The following HS3ST4 variants were observed in gnomAD, a reference collection of about 807,000 sequenced individuals.
HS3ST4 encodes the protein heparan sulfate glucosamine 3-O-sulfotransferase 4.
HS3ST4 carries 17 observed loss-of-function variants against 29.2 expected under a neutral mutation model. That is an observed-to-expected ratio of 0.58 (90% CI 0.40 to 0.87). The LOEUF is 0.87. Among genes scored for constraint, HS3ST4 ranks in the 40% least tolerant of loss-of-function variants. The pLI, the probability that HS3ST4 is intolerant of heterozygous loss-of-function variation, is 0.00. For missense variants in HS3ST4, 627 were observed against 634.5 expected (o/e 0.99, Z 0.13); for synonymous variants, 314 against 285.7 (o/e 1.10, Z -1.00).
chr16:25,874,227 G>GAA, intron 1 of HS3ST4, among the ~76,000 whole-genome samples: 1 of 147,042 alleles, frequency 6.8e-6, no homozygotes. Flanking sequence ...GAAAACTACA[G>GAA]AAAAAAAAAA....
intron 1 of HS3ST4, among the ~76,000 whole-genome samples, chr16:25,719,275 A>T (rs1354970449): frequency 6.6e-6 from 1 of 152,280 alleles, no homozygotes; most frequent in Non-Finnish European, 1.5e-5. Context: ...TACTTAAGGC[A>T]TCCATTCTTT....
At chr16:25,966,861 G>A (rs1385062095) in intron 1 of HS3ST4, among the ~76,000 whole-genome samples, 1 of 152,212 alleles carries the variant, frequency 6.6e-6, no homozygotes, top group African/African-American at 2.4e-5. Flanking sequence ...CTGAGATGAA[G>A]TGGCTGGGCA....
intron 1 of HS3ST4, among the ~76,000 whole-genome samples, chr16:25,757,204 A>G (rs1966763422): frequency 6.6e-6 from 1 of 152,178 alleles, no homozygotes; most frequent in Non-Finnish European, 1.5e-5. Flanking sequence ...TGTACTTGGC[A>G]ACCTTATTAG....
chr16:26,064,746 T>A (rs1412921685), intron 1 of HS3ST4, among the ~76,000 whole-genome samples: 1 of 151,338 alleles, frequency 6.6e-6, no homozygotes, highest in Non-Finnish European at 1.5e-5. Context: ...GCCTCCCCAG[T>A]AGCTGGGATC....
rs146703935 is a variant in HS3ST4, at chr16:25,742,282, T to C, written c.734+49131T>C. Among the ~76,000 whole-genome samples the C allele has an allele frequency of 2.3e-3, 352 of 152,308 alleles. 3 individuals are homozygous for C. Among genetic ancestry groups the C allele is most frequent in the African/African-American group, 6.5e-3 (269 of 41,566 alleles). On this transcript the variant is annotated intron_variant, in intron 1 of 1. Coordinates refer to ENST00000331351, the MANE Select transcript of HS3ST4 (RefSeq NM_006040.3). ...CCAGAAATGGTACGCAGAAGCTCCA[T>C]GCATTCATCTTACTAGCTTAGGTAC...
chr16:26,024,858 G>C (rs1474344190), intron 1 of HS3ST4, among the ~76,000 whole-genome samples: 1 of 152,188 alleles, frequency 6.6e-6, no homozygotes, highest in Non-Finnish European at 1.5e-5. Flanking sequence ...TGTGGGTCAA[G>C]TCCAGCACCC....
chr16:25,899,482 T>C (rs1190503732), intron 1 of HS3ST4, among the ~76,000 whole-genome samples: 2 of 150,236 alleles, frequency 1.3e-5, no homozygotes, highest in Non-Finnish European at 3.0e-5. Context: ...AGGACAGGTA[T>C]GCTGATTGAA....
At chr16:26,104,485 G>C (rs1899027080) in intron 1 of HS3ST4, among the ~76,000 whole-genome samples, 1 of 152,144 alleles carries the variant, frequency 6.6e-6, no homozygotes, top group South Asian at 2.1e-4. Context: ...TAAAAGTTAA[G>C]CAGATGCCTC....
intron 1 of HS3ST4, chr16:26,063,230 T>A (rs1370689824): frequency 6.6e-6 from 1 of 152,648 alleles, no homozygotes; most frequent in Non-Finnish European, 1.5e-5. Context: ...AAAGTCTGAC[T>A]TTCTCTTGTA....
At chr16:25,865,039 C>T (rs1296173002) in intron 1 of HS3ST4, among the ~76,000 whole-genome samples, 1 of 151,950 alleles carries the variant, frequency 6.6e-6, no homozygotes, top group East Asian at 1.9e-4. Context: ...TTCCTTTGCC[C>T]ATTCTTCCAT....
chr16:25,921,002 C>T (rs932148608), intron 1 of HS3ST4, among the ~76,000 whole-genome samples: 4 of 152,130 alleles, frequency 2.6e-5, no homozygotes, highest in African/African-American at 7.2e-5. Context: ...CCACTCCTCT[C>T]GACACTCTAT....
chr16:26,059,930 A>C (rs1455785369), intron 1 of HS3ST4, among the ~76,000 whole-genome samples: 1 of 152,000 alleles, frequency 6.6e-6, no homozygotes, highest in East Asian at 1.9e-4. Context: ...GGTGCCTGCC[A>C]CCACGCCCAG....
intron 1 of HS3ST4, among the ~76,000 whole-genome samples, chr16:26,084,329 C>T (rs968850734): frequency 3.9e-5 from 6 of 152,176 alleles, no homozygotes; most frequent in Non-Finnish European, 7.3e-5. Flanking sequence ...TCTATGGAGA[C>T]TTTAGGGGAT....
intron 1 of HS3ST4, among the ~76,000 whole-genome samples, chr16:26,024,228 G>GAA (rs58068324): frequency 0.078 from 9,846 of 127,004 alleles, 477 homozygotes; most frequent in Non-Finnish European, 0.12. Flanking sequence ...GTCTCAAAAG[G>GAA]AAAAAAAAAA....
chr16:25,819,354 A>G (rs1967124619), intron 1 of HS3ST4, among the ~76,000 whole-genome samples: 1 of 152,168 alleles, frequency 6.6e-6, no homozygotes. Context: ...AAGGGTCATG[A>G]TCCCACCACA....
At position 25,824,222 on chromosome 16, in the gene HS3ST4, G is replaced by GATA. The variant is rs765105897; in HGVS notation, c.734+131071_734+131072insATA. Among the ~76,000 whole-genome samples the GATA allele has an allele frequency of 2.5e-3, 381 of 152,282 alleles. 1 individual carries two copies. The highest frequency in any genetic ancestry group is 6.8e-3 in the Middle Eastern group (2 of 294). On this transcript the variant is annotated intron_variant, in intron 1 of 1. Transcript: ENST00000331351. ...TCAGACAGACTCAGGATACCTCCAG[G>GATA]GAGAACCAAGACCTGGCCTGAATAC...
intron 1 of HS3ST4, among the ~76,000 whole-genome samples, chr16:25,775,817 A>C (rs1351345613): frequency 6.6e-6 from 1 of 152,146 alleles, no homozygotes; most frequent in East Asian, 1.9e-4. Flanking sequence ...GTGACTGTGA[A>C]TCCACTTTCT....
chr16:25,902,731 G>T (rs73515367), intron 1 of HS3ST4, among the ~76,000 whole-genome samples: 1 of 151,912 alleles, frequency 6.6e-6, no homozygotes, highest in African/African-American at 2.4e-5. Flanking sequence ...CAAGAAAGCG[G>T]CAATGTGGTG....
chr16:26,045,964 C>T (rs567391269), intron 1 of HS3ST4, among the ~76,000 whole-genome samples: 2 of 152,170 alleles, frequency 1.3e-5, no homozygotes, highest in East Asian at 1.9e-4. Context: ...TACATTACAT[C>T]GAAATTACAT....
Sources: allele counts gnomAD v4.1 joint callset (sites outside exome capture counted in the v4.1 genomes callset), GRCh38; gene constraint gnomAD v4.1.1; transcripts MANE v1.5; gene names NCBI Gene and HGNC (gene_info 2026-07-23, HGNC 2026-07-21).